The following IQCH variants were observed in gnomAD, a reference collection of about 807,000 sequenced individuals.
IQCH encodes the protein IQ domain-containing protein H.
Under a neutral mutation model 117.0 loss-of-function variants are expected in IQCH, and 98 were observed. That is an observed-to-expected ratio of 0.84 (90% CI 0.71 to 0.99). The LOEUF (loss-of-function observed/expected upper bound fraction) is 0.99. IQCH is among the 50% of genes least tolerant of loss of function. The pLI is 0.00. For synonymous variants in IQCH, 412 were observed against 448.2 expected (o/e 0.92, Z 1.02); for missense variants, 1,102 against 1,243.8 (o/e 0.89, Z 1.72).
In IQCH at chr15:67,445,447, T is replaced by C. The variant is rs1419436825; in HGVS notation, c.2506-19680T>C. ...GTACCTACCTCATGTCTGGTTTTTTTGTTTGTTTTTGAGATGGAGTCTTGC... is the reference window on the plus strand; with the variant it reads ...GTACCTACCTCATGTCTGGTTTTTTCGTTTGTTTTTGAGATGGAGTCTTGC... On this transcript the variant is annotated intron_variant, in intron 16 of 20. Coordinates refer to ENST00000335894, the MANE Select transcript of IQCH (RefSeq NM_001031715.3). This position sits in a 1 kb window ranked among gnomAD's most constrained non-coding sequence, Gnocchi z 4.3. Among the ~76,000 whole-genome samples the C allele has an allele frequency of 6.6e-6, 1 of 151,990 alleles. No homozygotes were observed.
At position 67,373,352 on chromosome 15, in the gene IQCH, C is replaced by CTTCTTGA. The variant is rs758003467; in HGVS notation, c.1306-12_1306-6dup. On this transcript the variant is annotated splice_polypyrimidine_tract_variant and intron_variant, in intron 9 of 20. Coordinates refer to ENST00000335894, the MANE Select transcript of IQCH (RefSeq NM_001031715.3). ...CAGCTTCCTGTCACTGATCAATGCT[C>CTTCTTGA]TTCTTGATTTTTAGCATCTGGCAGC... 6.3e-7 allele frequency: 1 copy of CTTCTTGA among 1,597,424 alleles called. No individual in the cohort carries two copies. Among genetic ancestry groups the CTTCTTGA allele is most frequent in the Non-Finnish European group, 8.6e-7 (1 of 1,165,282 alleles).
At chr15:67,363,403 ATT>A (rs879553259) in intron 8 of IQCH, among the ~76,000 whole-genome samples, 1 of 142,888 alleles carries the variant, frequency 7.0e-6, no homozygotes, top group Non-Finnish European at 1.5e-5. Context: ...ACCCAGCTAA[ATT>A]TTTTTTTTTT....
intron 18 of IQCH, among the ~76,000 whole-genome samples, chr15:67,482,297 T>C (rs2083361678): frequency 6.6e-6 from 1 of 152,176 alleles, no homozygotes; most frequent in Admixed American, 6.6e-5. Context: ...CTGTCTTCTG[T>C]TTCTCTCTCA....
rs756236412 is a variant in IQCH at position 67,385,125 on chromosome 15, A to G, written c.1456+106A>G. The G allele has an allele frequency of 1.2e-5, 8 of 668,536 alleles. No individual in the cohort carries two copies. The highest frequency in any genetic ancestry group is 2.9e-5 in the East Asian group (1 of 34,966). The allele number at this position is 668,536 out of a possible 1,614,324, so 41.4% of individuals were successfully genotyped here. A position where few individuals can be genotyped will look rare whatever the true frequency, so the allele number is the denominator to read the frequency against. On this transcript the variant is annotated intron_variant, in intron 11 of 20. Coordinates refer to ENST00000335894, the MANE Select transcript of IQCH (RefSeq NM_001031715.3). This position sits in a 1 kb window ranked among gnomAD's most constrained non-coding sequence, Gnocchi z 4.6. The stretch of plus-strand genomic sequence containing the variant: ...TGTTTTTTGCTTATTTTTTTCCTCT[A>G]CAAGGAAAAAGCTCAGATGTTTAAT...
intron 7 of IQCH, among the ~76,000 whole-genome samples, chr15:67,357,970 C>T (rs528903345): frequency 7.3e-5 from 11 of 151,464 alleles, no homozygotes; most frequent in East Asian, 1.9e-4. Context: ...GCGATTCTCA[C>T]GTCTCAGCCT....
At chr15:67,347,493 G>C (rs1567115625) in intron 6 of IQCH, among the ~76,000 whole-genome samples, 2 of 151,926 alleles carry the variant, frequency 1.3e-5, no homozygotes. Context: ...TAGATAACCT[G>C]ATTAGTCCTA....
intron 17 of IQCH, among the ~76,000 whole-genome samples, chr15:67,471,541 A>T (rs1668972092): frequency 6.6e-6 from 1 of 152,248 alleles, no homozygotes; most frequent in African/African-American, 2.4e-5. Context: ...TGCCCAAGTC[A>T]TAAAGGTGGT....
rs1187217423 is a variant in IQCH, at chr15:67,416,447, G to A, written c.2098-484G>A. Among the ~76,000 whole-genome samples, 7 of 151,940 alleles carry A rather than the reference G, an allele frequency of 4.6e-5. No individual in the cohort carries two copies. Among genetic ancestry groups the A allele is most frequent in the Non-Finnish European group, 8.8e-5 (6 of 68,004 alleles). Reference sequence around the variant, plus strand: ...CAGGAGAATCACTTGAACCCGGGAGGCAGAGGTTGCAGTGAGCCAAGATCA... The same window carrying A: ...CAGGAGAATCACTTGAACCCGGGAGACAGAGGTTGCAGTGAGCCAAGATCA... On this transcript the variant is annotated intron_variant, in intron 14 of 20. Transcript: ENST00000335894. This position sits in a 1 kb window ranked among gnomAD's most constrained non-coding sequence, Gnocchi z 5.1.
chr15:67,304,174 G>C (rs967473411), intron 4 of IQCH, among the ~76,000 whole-genome samples: 1 of 152,078 alleles, frequency 6.6e-6, no homozygotes, highest in Non-Finnish European at 1.5e-5. Flanking sequence ...TGAATAAAAG[G>C]GACTGATTAG....
chr15:67,393,758 G>T lies in IQCH; in HGVS notation c.1633-1533G>T, dbSNP rs1971365236. Among the ~76,000 whole-genome samples, 2 of 152,014 alleles carry T rather than the reference G, an allele frequency of 1.3e-5. No individual in the cohort carries two copies. The highest frequency in any genetic ancestry group is 2.9e-5 in the Non-Finnish European group (2 of 67,998). On this transcript the variant is annotated intron_variant, in intron 12 of 20. Transcript: ENST00000335894. This position sits in a 1 kb window ranked among gnomAD's most constrained non-coding sequence, Gnocchi z 5.5. ...TGAAAGTCCTGGGCTCAAGTGATCT[G>T]CCTGCCATGGCCTCCCCTAAAGTAC...
Position 67,292,256 on chromosome 15 carries a change from A to G in IQCH, c.387+12744A>G, listed in dbSNP as rs193072310. The stretch of plus-strand genomic sequence containing the variant: ...TGTTGTTGTTGTTTATAAGCCATCC[A>G]GACTCTTTTTTTGAGACAGGGTATT... On this transcript the variant is annotated intron_variant, in intron 4 of 20. Transcript: ENST00000335894. 1.1e-4 allele frequency among the ~76,000 whole-genome samples: 17 copies of G among 152,230 alleles called. No homozygotes were observed. In the East Asian group the frequency reaches 3.3e-3, roughly 29 times the overall value.
chr15:67,292,597 A>T (rs1055427389), intron 4 of IQCH, among the ~76,000 whole-genome samples: 17 of 152,294 alleles, frequency 1.1e-4, no homozygotes, highest in Admixed American at 5.2e-4. Context: ...AAAAAATAAC[A>T]TAAATAACCA....
rs1384083082 is a variant in IQCH at position 67,263,155 on chromosome 15, C to T, written c.208C>T (p.Gln70Ter). The change falls in exon 3 of 21, where the codon CAG (glutamine) becomes TAG (stop). Residue 70 changes from glutamine (Q) to a stop codon, truncating the protein, a stop_gained. Coordinates refer to ENST00000335894, the MANE Select transcript of IQCH (RefSeq NM_001031715.3). LOFTEE classifies it high-confidence loss of function. ...TGAGAAGTATTTAAATGTTGTAAAC[C>T]AGAATGTATTAACGACTTCTGTTAA... is the stretch of plus-strand genomic sequence containing the variant. ...HIEKYLNVVN[Q>*]NVLTTSVNDE... is the part of the protein sequence containing the mutation. 5 of 1,578,046 alleles carry T rather than the reference C, an allele frequency of 3.2e-6. No individual in the cohort carries two copies. The highest frequency in any genetic ancestry group is 4.4e-6 in the Non-Finnish European group (5 of 1,147,746).
At chr15:67,274,636 A>G (rs867543427) in intron 3 of IQCH, among the ~76,000 whole-genome samples, 14 of 152,294 alleles carry the variant, frequency 9.2e-5, no homozygotes, top group Middle Eastern at 3.4e-3. Flanking sequence ...TCGCATATCA[A>G]CATCTCACTA....
rs555901768 is a variant in IQCH at position 67,500,711 on chromosome 15, A to G, written c.3049A>G (p.Lys1017Glu). The change falls in exon 21 of 21, where the codon AAA becomes GAA. Residue 1017 changes from lysine (K) to glutamate (E), a missense_variant. Physicochemically the swap from Lys to Glu is moderately conservative, Grantham distance 56. This residue lies in a region of IQCH where 650 missense variants were observed against 794.3 expected (regional missense o/e 0.82). Transcript: ENST00000335894. This position sits in a 1 kb window ranked among gnomAD's most constrained non-coding sequence, Gnocchi z 4.4. ...GAGATTTGAAGAGGAGCAACAGTCCAAAGATGATAAAAACCTCTCTAAACC... is the reference window on the plus strand; with the variant it reads ...GAGATTTGAAGAGGAGCAACAGTCCGAAGATGATAAAAACCTCTCTAAACC... The part of the protein sequence containing the change: ...KMRFEEEQQS[K>E]DDKNLSKPKK 5.0e-6 allele frequency: 8 copies of G among 1,600,700 alleles called. No individual in the cohort carries two copies. In the East Asian group the frequency reaches 1.6e-4, roughly 31 times the overall value.
At chr15:67,259,440 T>G (rs1047762767) in intron 1 of IQCH, among the ~76,000 whole-genome samples, 46 of 152,218 alleles carry the variant, frequency 3.0e-4, no homozygotes, top group Non-Finnish European at 5.0e-4. Flanking sequence ...AATTTAGATG[T>G]ATATGGAAAT....
At chr15:67,279,007 G>A (rs1966241585) in intron 3 of IQCH, among the ~76,000 whole-genome samples, 1 of 152,040 alleles carries the variant, frequency 6.6e-6, no homozygotes, top group Non-Finnish European at 1.5e-5. Flanking sequence ...TAATCACTTA[G>A]GGACCATCAT....
intron 4 of IQCH, among the ~76,000 whole-genome samples, chr15:67,330,663 C>T (rs1460294022): frequency 6.6e-6 from 1 of 152,092 alleles, no homozygotes; most frequent in African/African-American, 2.4e-5. Flanking sequence ...AAAAAAACAA[C>T]AAAAAACAAA....
intron 4 of IQCH, among the ~76,000 whole-genome samples, chr15:67,291,682 G>C (rs573065466): frequency 6.6e-6 from 1 of 152,084 alleles, no homozygotes; most frequent in Non-Finnish European, 1.5e-5. Flanking sequence ...GCAGGCAAAG[G>C]TTCCTTCAGA....
Sources: gnomAD v4.1 joint callset for allele counts (sites outside exome capture counted in the v4.1 genomes callset) on GRCh38, gnomAD v4.1.1 for gene constraint, gnomAD v4.1.1 regional missense constraint, Gnocchi (gnomAD v3.1) non-coding constraint, MANE v1.5 for transcripts, NCBI Gene and HGNC (gene_info 2026-07-23, HGNC 2026-07-21) for gene names.